PRPF8: variants seen among roughly 807,000 people sequenced by gnomAD.
The protein encoded by PRPF8 is pre-mRNA-processing-splicing factor 8.
In PRPF8, 64 loss-of-function variants were observed where a neutral mutation model predicts 285.9. That is an observed-to-expected ratio of 0.22 (90% CI 0.18 to 0.28). PRPF8 has a LOEUF of 0.28. Ranked by LOEUF, PRPF8 falls within the 10% of genes least tolerant of loss-of-function variation. The pLI, the probability that PRPF8 is intolerant of heterozygous loss-of-function variation, is 1.00. For missense variants in PRPF8, 1,426 were observed against 3,026.7 expected, an observed-to-expected ratio of 0.47 and a Z score of 12.41; for synonymous variants, 1,325 against 1,118.2, an observed-to-expected ratio of 1.18 and a Z score of -3.69.
intron 37 of PRPF8, 121 bp from the exon 38 acceptor site, chr17:1,654,137 A>G: frequency 7.0e-7 from 1 of 1,433,532 alleles, no homozygotes; most frequent in Non-Finnish European, 9.8e-7. Context: ...GACAATCCAC[A>G]AGAGCTGCTT....
rs775947955 is a variant in PRPF8, at chr17:1,651,078, T to C, written c.6853+30A>G. 6.2e-7 allele frequency: 1 copy of C among 1,613,882 alleles called. No individual in the cohort carries two copies. Among genetic ancestry groups the C allele is most frequent in the African/African-American group, 1.3e-5 (1 of 74,884 alleles). On this transcript the variant is annotated intron_variant, in intron 42 of 42. Transcript: ENST00000304992. This position sits in a 1 kb window ranked among gnomAD's most constrained non-coding sequence, Gnocchi z 5.1. The stretch of plus-strand genomic sequence containing the variant: ...TGGCCTCACCTTATCCCTACTGCTA[T>C]CCCCACATCCCCAGGCTCCTCCCAC...
At chr17:1,684,293 C>A (rs1010879635) in intron 2 of PRPF8, among the ~76,000 whole-genome samples, 179 bp downstream of exon 2, 2 of 152,250 alleles carry the variant, frequency 1.3e-5, no homozygotes, top group South Asian at 2.1e-4. Context: ...ACTGTACCCC[C>A]GCTGGATCAG....
chr17:1,675,426 C>G lies in PRPF8; in HGVS notation c.2873-87G>C. Reference sequence around the variant, plus strand: ...AGGAACTATCATTACCTTCCATAACCAATCCCACTATGATTCCACGTATTC... The same window carrying G: ...AGGAACTATCATTACCTTCCATAACGAATCCCACTATGATTCCACGTATTC... On this transcript the variant is annotated intron_variant, in intron 19 of 42. Coordinates refer to ENST00000304992, the MANE Select transcript of PRPF8 (RefSeq NM_006445.4). The surrounding 1 kb of genome is among the most constrained non-coding windows in gnomAD (Gnocchi z 6.0). The G allele has an allele frequency of 1.3e-6, 2 of 1,512,514 alleles. No homozygotes were observed. The highest frequency in any genetic ancestry group is 1.8e-6 in the Non-Finnish European group (2 of 1,091,140). The allele number at this position is 1,512,514 out of a possible 1,614,324, so 93.7% of individuals were successfully genotyped here.
Position 1,653,371 on chromosome 17 carries a change from T to G in PRPF8, c.6369+171A>C. On this transcript the variant is annotated intron_variant, in intron 39 of 42. Transcript: ENST00000304992. This position sits in a 1 kb window ranked among gnomAD's most constrained non-coding sequence, Gnocchi z 4.9. Reference sequence around the variant, plus strand: ...TACCTTCTCTCAGCTGCCACAGCTTTTGCTATCTCATGGGGCCAAAACCCA... The same window carrying G: ...TACCTTCTCTCAGCTGCCACAGCTTGTGCTATCTCATGGGGCCAAAACCCA... 2.5e-6 allele frequency: 2 copies of G among 804,834 alleles called. No individual in the cohort carries two copies. The highest frequency in any genetic ancestry group is 2.1e-6 in the Non-Finnish European group (1 of 482,136). 49.9% of individuals were successfully genotyped at this position (804,834 alleles called of 1,614,324 possible). A position where few individuals can be genotyped will look rare whatever the true frequency, so the allele number is the denominator to read the frequency against.
At position 1,675,033 on chromosome 17, in the gene PRPF8, A is replaced by C. The variant is rs1912540366; in HGVS notation, c.3060+119T>G. The C allele has an allele frequency of 8.1e-7, 1 of 1,240,148 alleles. No homozygotes were observed. 76.8% of individuals were successfully genotyped at this position (1,240,148 alleles called of 1,614,324 possible). A position where few individuals can be genotyped will look rare whatever the true frequency, so the allele number is the denominator to read the frequency against. ...CGTGATCTGCCCGCCTCAGCCTCCCAAAGTGCTGGGATTACAGGCATGAGC... is the reference window on the plus strand; with the variant it reads ...CGTGATCTGCCCGCCTCAGCCTCCCCAAGTGCTGGGATTACAGGCATGAGC... On this transcript the variant is annotated intron_variant, in intron 20 of 42. Coordinates refer to ENST00000304992, the MANE Select transcript of PRPF8 (RefSeq NM_006445.4). This position sits in a 1 kb window ranked among gnomAD's most constrained non-coding sequence, Gnocchi z 6.0.
chr17:1,675,320 G>C lies in PRPF8; in HGVS notation c.2892C>G (p.Asp964Glu). The C allele has an allele frequency of 1.2e-6, 2 of 1,614,098 alleles. No homozygotes were observed. The highest frequency in any genetic ancestry group is 1.3e-5 in the African/African-American group (1 of 75,020). Residue 964 changes from aspartate (D) to glutamate (E), a missense_variant, in exon 20 of 43, where the codon GAC becomes GAG. Coordinates refer to ENST00000304992, the MANE Select transcript of PRPF8 (RefSeq NM_006445.4). This position sits in a 1 kb window ranked among gnomAD's most constrained non-coding sequence, Gnocchi z 6.0. ...ACTCGCCTTCACTCGTCTCCCACAC[G>C]TCCTGCAGGTTATTGATGCCTGAGG... ...KWCQGINNLQ[D>E]VWETSEGECN... is the part of the protein sequence containing the mutation.
In PRPF8 at chr17:1,676,938, G is replaced by A. The variant is rs184194175; in HGVS notation, c.2181+38C>T. On this transcript the variant is annotated intron_variant, in intron 15 of 42. Coordinates refer to ENST00000304992, the MANE Select transcript of PRPF8 (RefSeq NM_006445.4). This position sits in a 1 kb window ranked among gnomAD's most constrained non-coding sequence, Gnocchi z 6.3. ...GAAGTGGTAATCCTACCCTAAAGAC[G>A]GATGTTTACGCCTCCAAGGAAATAA... 1.6e-5 allele frequency: 25 copies of A among 1,607,960 alleles called. No homozygotes were observed. Among genetic ancestry groups the A allele is most frequent in the Admixed American group, 3.3e-5 (2 of 60,000 alleles).
Position 1,660,528 on chromosome 17 carries a change from G to A in PRPF8, c.4689C>T (p.His1563=), listed in dbSNP as rs148287873. 219 of 1,614,184 alleles carry A rather than the reference G, an allele frequency of 1.4e-4. No homozygotes were observed. Among genetic ancestry groups the A allele is most frequent in the African/African-American group, 1.2e-3 (87 of 75,036 alleles). The change falls in exon 30 of 43, where the codon CAC becomes CAT. Residue 1563 remains histidine, a synonymous_variant. Transcript: ENST00000304992. ...AGATCTTCAGCGTGGGGATCTTGCC[G>A]TGCATGAAGATACCCGTCAGGTCTA... ...VQLDLTGIFM[H]GKIPTLKISL...
Position 1,679,536 on chromosome 17 carries a change from C to CA in PRPF8, c.1289+72dup. The CA allele has an allele frequency of 6.3e-7, 1 of 1,597,624 alleles. No individual in the cohort carries two copies. The highest frequency in any genetic ancestry group is 8.5e-7 in the Non-Finnish European group (1 of 1,173,608). On this transcript the variant is annotated intron_variant, in intron 9 of 42. Coordinates refer to ENST00000304992, the MANE Select transcript of PRPF8 (RefSeq NM_006445.4). This position sits in a 1 kb window ranked among gnomAD's most constrained non-coding sequence, Gnocchi z 4.7. ...AAAAAAGAATTTAAAAAAAAGGCTA[C>CA]ATGCCCACCTAGTTGGAGTCTTTTC...
chr17:1,651,156 C>A lies in PRPF8; in HGVS notation c.6805G>T (p.Gly2269Cys), dbSNP rs1410481475. Residue 2269 changes from glycine (G) to cysteine (C), a missense_variant, in exon 42 of 43, where the codon GGC (glycine) becomes TGC (cysteine). By Grantham distance (159) the Gly-to-Cys change is radical. Around this residue, in one of 34 missense-constraint regions of PRPF8, gnomAD observed 160 missense variants for 373.7 expected, o/e 0.43. Transcript: ENST00000304992. The surrounding 1 kb of genome is among the most constrained non-coding windows in gnomAD (Gnocchi z 5.1). The part of the protein sequence containing the change: ...VQMLLSDRFL[G>C]FFMVPAQSSW... ...GACTGGGCAGGGACCATGAAGAAGC[C>A]AAGGAAACGGTCCGACAGCAGCATC... The A allele has an allele frequency of 6.2e-7, 1 of 1,614,048 alleles. No homozygotes were observed.
In PRPF8 at chr17:1,676,849, T is replaced by C; in HGVS notation, c.2181+127A>G. ...AGGCCAGCCTAAGCAACATGGTGCT[T>C]CTTTTCCCTGTCTAAAAGGGAAAAG... On this transcript the variant is annotated intron_variant, in intron 15 of 42. Transcript: ENST00000304992. The surrounding 1 kb of genome is among the most constrained non-coding windows in gnomAD (Gnocchi z 6.3). The C allele has an allele frequency of 1.4e-6, 2 of 1,479,254 alleles. No homozygotes were observed. The highest frequency in any genetic ancestry group is 1.9e-6 in the Non-Finnish European group (2 of 1,068,964). 91.6% of individuals were successfully genotyped at this position (1,479,254 alleles called of 1,614,324 possible). A position where few individuals can be genotyped will look rare whatever the true frequency, so the allele number is the denominator to read the frequency against.
chr17:1,657,137 C>G (rs749401014), intron 34 of PRPF8, among the ~76,000 whole-genome samples: 12 of 152,128 alleles, frequency 7.9e-5, no homozygotes, highest in Non-Finnish European at 1.6e-4. Context: ...AAAATACAAG[C>G]AAAACACAGA....
chr17:1,673,479 T>C lies in PRPF8; in HGVS notation c.3535A>G (p.Ser1179Gly), dbSNP rs1477643212. 3.1e-6 allele frequency: 5 copies of C among 1,614,044 alleles called. No homozygotes were observed. Among genetic ancestry groups the C allele is most frequent in the African/African-American group, 1.3e-5 (1 of 74,928 alleles). Residue 1179 changes from serine (S) to glycine (G), a missense_variant, in exon 23 of 43, where the codon AGT becomes GGT. Ser to Gly is a moderately conservative substitution (Grantham distance 56). Transcript: ENST00000304992. This position sits in a 1 kb window ranked among gnomAD's most constrained non-coding sequence, Gnocchi z 5.5. Reference protein sequence around the residue: ...QWENSFVSVYSKDNPNLLFNM... With the variant: ...QWENSFVSVYGKDNPNLLFNM... ...AACAGCAGGTTGGGGTTGTCCTTAC[T>C]GTACACAGACACGAAGCTGTTCTCC...
At position 1,665,159 on chromosome 17, in the gene PRPF8, C is replaced by CAA. The variant is rs562789942; in HGVS notation, c.3775-3008_3775-3007dup. Among the ~76,000 whole-genome samples, 45 of 53,388 alleles carry CAA rather than the reference C, an allele frequency of 8.4e-4. 2 individuals carry two copies. The highest frequency in any genetic ancestry group is 0.012 in the Middle Eastern group (1 of 86). 35.0% of individuals were successfully genotyped at this position (53,388 alleles called of 152,430 possible). The stretch of plus-strand genomic sequence containing the variant: ...CGGGCGAAAATGTGAGACTCTGCCT[C>CAA]AAAAAAAAAAAAAAAAAAAAAGGGA... On this transcript the variant is annotated intron_variant, in intron 24 of 42. Coordinates refer to ENST00000304992, the MANE Select transcript of PRPF8 (RefSeq NM_006445.4).
intron 6 of PRPF8, among the ~76,000 whole-genome samples, 158 bp downstream of exon 6, chr17:1,681,320 A>G (rs879300916): frequency 4.6e-5 from 7 of 152,066 alleles, no homozygotes; most frequent in Non-Finnish European, 7.4e-5. Flanking sequence ...GGCTCAAGCA[A>G]TCCTCCTGCC....
At chr17:1,652,106 A>G (rs1911109997) in intron 39 of PRPF8, 2 of 476,870 alleles carry the variant, frequency 4.2e-6, no homozygotes, top group African/African-American at 3.9e-5. Context: ...TCACAAGCTG[A>G]AAACATCTGG....
chr17:1,655,615 T>C (rs1466294551), intron 36 of PRPF8, 72 bp from the exon 37 acceptor site: 73 of 1,394,526 alleles, frequency 5.2e-5, no homozygotes, highest in Non-Finnish European at 7.2e-5. Context: ...TAACCTTTCA[T>C]GAAACCCAAG....
intron 24 of PRPF8, among the ~76,000 whole-genome samples, chr17:1,670,839 C>T (rs1243569534): frequency 6.6e-6 from 1 of 152,026 alleles, no homozygotes; most frequent in African/African-American, 2.4e-5. Context: ...ACCTGGTCTC[C>T]CATCCTATCC....
Position 1,683,544 on chromosome 17 carries a change from C to A in PRPF8, c.258G>T (p.Arg86Ser). 6.2e-7 allele frequency: 1 copy of A among 1,614,126 alleles called. No homozygotes were observed. The highest frequency in any genetic ancestry group is 8.5e-7 in the Non-Finnish European group (1 of 1,180,008). Residue 86 changes from arginine (R) to serine (S), a missense_variant, in exon 3 of 43, where the codon AGG becomes AGT. Arg to Ser is a moderately radical substitution (Grantham distance 110). Around this residue, in one of 34 missense-constraint regions of PRPF8, gnomAD observed 96 missense variants for 188.3 expected, o/e 0.51. Coordinates refer to ENST00000304992, the MANE Select transcript of PRPF8 (RefSeq NM_006445.4). ...MTNRKFRHDK[R>S]VYLGALKYMP... The stretch of plus-strand genomic sequence containing the variant: ...AGGATGTTCCTTACCCCAAGTAAAC[C>A]CTTTTGTCATGGCGGAACTTCCTGT...
Sources: allele counts gnomAD v4.1 joint callset (sites outside exome capture counted in the v4.1 genomes callset), GRCh38; gene constraint gnomAD v4.1.1; regional missense constraint gnomAD v4.1.1; non-coding constraint Gnocchi (gnomAD v3.1); transcripts MANE v1.5; gene names NCBI Gene and HGNC (gene_info 2026-07-23, HGNC 2026-07-21).